CPLX1: variants seen among roughly 807,000 people sequenced by gnomAD.
CPLX1 encodes complexin-1.
Under a neutral mutation model 15.6 loss-of-function variants are expected in CPLX1, and 6 were observed. The observed-to-expected ratio is 0.39, with a 90% CI of 0.21 to 0.76. The LOEUF (loss-of-function observed/expected upper bound fraction) is 0.76, where lower values mean the gene tolerates loss of function less well. Among genes scored for constraint, CPLX1 ranks in the 30% least tolerant of loss-of-function variants. The probability of loss-of-function intolerance (pLI) is 0.43; values close to 1 mark genes in which losing one functional copy is unlikely to be tolerated. For synonymous variants in CPLX1, 91 were observed against 75.2 expected (o/e 1.21, Z -1.08); for missense variants, 242 against 188.6 (o/e 1.28, Z -1.66).
At chr4:810,555 T>C (rs1207785377) in intron 2 of CPLX1, among the ~76,000 whole-genome samples, 8 of 152,216 alleles carry the variant, frequency 5.3e-5, no homozygotes, top group African/African-American at 1.9e-4. Context: ...CCCTAGTGGG[T>C]GTGGCAGCAT....
At chr4:822,220 CTCTCTCTG>C (rs1208695961) in intron 2 of CPLX1, among the ~76,000 whole-genome samples, 1 of 151,142 alleles carries the variant, frequency 6.6e-6, no homozygotes, top group Admixed American at 6.6e-5. Context: ...ATCTCTCTAA[CTCTCTCTG>C]TCTCTCTCTC....
chr4:804,727 C>G (rs1262263168), intron 2 of CPLX1: 1 of 985,142 alleles, frequency 1.0e-6, no homozygotes. Flanking sequence ...GAGACTCAAC[C>G]CAAGTGTCAC....
At chr4:800,486 A>G (rs1458549050) in intron 2 of CPLX1, among the ~76,000 whole-genome samples, 2 of 149,122 alleles carry the variant, frequency 1.3e-5, no homozygotes, top group Non-Finnish European at 3.0e-5. Flanking sequence ...AAATATATAT[A>G]TATATACACA....
Position 824,599 on chromosome 4 carries a change from T to C in CPLX1, c.-77A>G, listed in dbSNP as rs747277687. On this transcript the variant is annotated splice_region_variant and 5_prime_UTR_variant, in exon 2 of 4. Coordinates refer to ENST00000304062, the MANE Select transcript of CPLX1 (RefSeq NM_006651.4). ...CAAGTATGGCCGGGAGCGAGTGTTC[T>C]TCCTGGGGGAGAGTGAAGTGGTCAC... The C allele has an allele frequency of 2.0e-6, 3 of 1,516,398 alleles. No individual in the cohort carries two copies. Among genetic ancestry groups the C allele is most frequent in the Non-Finnish European group, 2.7e-6 (3 of 1,092,552 alleles). The allele number at this position is 1,516,398 out of a possible 1,614,324, so 93.9% of individuals were successfully genotyped here. A position where few individuals can be genotyped will look rare whatever the true frequency, so the allele number is the denominator to read the frequency against.
intron 1 of CPLX1, 197 bp from the exon 2 acceptor site, chr4:824,798 CCCCAGCT>C: frequency 1.5e-6 from 1 of 660,022 alleles, no homozygotes; most frequent in Non-Finnish European, 2.8e-6. Flanking sequence ...AAAATGGTCT[CCCCAGCT>C]CCTGGGGTGT....
intron 2 of CPLX1, among the ~76,000 whole-genome samples, chr4:817,562 GA>G (rs955263852): frequency 0.016 from 2,384 of 145,930 alleles, 56 homozygotes; most frequent in African/African-American, 0.057. Flanking sequence ...GTCTCAAAAA[GA>G]AAAAAAAAAT....
chr4:786,535 A>C lies in CPLX1; in HGVS notation c.371T>G (p.Leu124Arg), dbSNP rs1352778797. ...GAGCATGTCCTGCAGCGGCCCGGGC[A>C]GGTACTTGATGACGGTGTCCAGGAT... ...ESILDTVIKY[L>R]PGPLQDMLKK Residue 124 changes from leucine (L) to arginine (R), a missense_variant, in exon 4 of 4, where the codon CTG becomes CGG. Transcript: ENST00000304062. 5.0e-6 allele frequency: 8 copies of C among 1,604,600 alleles called. No individual in the cohort carries two copies. Among genetic ancestry groups the C allele is most frequent in the Non-Finnish European group, 6.8e-6 (8 of 1,175,740 alleles).
intron 2 of CPLX1, among the ~76,000 whole-genome samples, chr4:812,433 T>C (rs966361569): frequency 2.0e-5 from 3 of 152,116 alleles, no homozygotes; most frequent in Admixed American, 2.0e-4. Flanking sequence ...TGGATCTTGA[T>C]TTTTTATCCA....
Position 785,439 on chromosome 4 carries a change from G to T in CPLX1, c.*1062C>A. 1 of 152,748 alleles carries T rather than the reference G, an allele frequency of 6.5e-6. No individual in the cohort carries two copies. 9.5% of individuals were successfully genotyped at this position (152,748 alleles called of 1,614,324 possible). On this transcript the variant is annotated 3_prime_UTR_variant, in exon 4 of 4. Coordinates refer to ENST00000304062, the MANE Select transcript of CPLX1 (RefSeq NM_006651.4). ...ATGCATTTTTGATGTGGACGAAAGG[G>T]CCCGGGGGCGAGGCGGCGCCTGTCA...
intron 3 of CPLX1, among the ~76,000 whole-genome samples, chr4:791,718 GC>G (rs1250073833): frequency 6.6e-6 from 1 of 152,180 alleles, no homozygotes; most frequent in Non-Finnish European, 1.5e-5. Flanking sequence ...GCCTGCTGCG[GC>G]CCCTACCCTC....
chr4:806,926 AG>A (rs1267567470), intron 2 of CPLX1, among the ~76,000 whole-genome samples: 2 of 152,240 alleles, frequency 1.3e-5, no homozygotes, highest in Non-Finnish European at 2.9e-5. Context: ...GCGATTCCTC[AG>A]AGACCTAGAA....
intron 2 of CPLX1, among the ~76,000 whole-genome samples, chr4:794,206 C>G (rs950863414): frequency 1.3e-5 from 2 of 152,248 alleles, no homozygotes; most frequent in Non-Finnish European, 2.9e-5. Context: ...GTGCTCTGGG[C>G]TGAAGGTGTC....
chr4:793,797 G>A (rs1049160741), intron 2 of CPLX1, among the ~76,000 whole-genome samples: 2 of 152,222 alleles, frequency 1.3e-5, no homozygotes, highest in African/African-American at 2.4e-5. Flanking sequence ...CTCCTTGAAG[G>A]TCTTGCCTCT....
At chr4:825,156 G>A (rs1203378499) in intron 1 of CPLX1, among the ~76,000 whole-genome samples, 1 of 152,058 alleles carries the variant, frequency 6.6e-6, no homozygotes, top group Non-Finnish European at 1.5e-5. Context: ...ACTTCAGGGG[G>A]CTCAGCCTTC....
intron 2 of CPLX1, among the ~76,000 whole-genome samples, chr4:795,510 A>G (rs963265082): frequency 2.6e-5 from 4 of 152,140 alleles, no homozygotes; most frequent in Non-Finnish European, 5.9e-5. Flanking sequence ...CCCGACTCTG[A>G]TTGCAGGGGG....
At chr4:811,073 C>T (rs1258834861) in intron 2 of CPLX1, among the ~76,000 whole-genome samples, 2 of 152,144 alleles carry the variant, frequency 1.3e-5, no homozygotes, top group African/African-American at 2.4e-5. Context: ...GATCATGGCT[C>T]ACTGCAGCCT....
rs564664127 is a variant in CPLX1, at chr4:785,457, G to C, written c.*1044C>G. 19 of 152,614 alleles carry C rather than the reference G, an allele frequency of 1.2e-4. No homozygotes were observed. The highest frequency in any genetic ancestry group is 3.9e-4 in the African/African-American group (16 of 41,460). 9.5% of individuals were successfully genotyped at this position (152,614 alleles called of 1,614,324 possible). A position where few individuals can be genotyped will look rare whatever the true frequency, so the allele number is the denominator to read the frequency against. On this transcript the variant is annotated 3_prime_UTR_variant, in exon 4 of 4. Transcript: ENST00000304062. ...CGAAAGGGCCCGGGGGCGAGGCGGC[G>C]CCTGTCAAGATAAAACTCATTAAAT... is the stretch of plus-strand genomic sequence containing the variant.
intron 2 of CPLX1, among the ~76,000 whole-genome samples, chr4:810,007 G>A (rs1388377974): frequency 3.3e-5 from 5 of 151,276 alleles, no homozygotes; most frequent in South Asian, 2.1e-4. Flanking sequence ...TGTGTGAACC[G>A]TGGGTTGTTC....
chr4:789,972 G>A (rs1746120330), intron 3 of CPLX1, among the ~76,000 whole-genome samples: 1 of 80,830 alleles, frequency 1.2e-5, no homozygotes, highest in Non-Finnish European at 2.4e-5. Flanking sequence ...CCAACAGGTG[G>A]CCACGCCTGA....
Sources: gnomAD v4.1 joint callset for allele counts (sites outside exome capture counted in the v4.1 genomes callset) on GRCh38, gnomAD v4.1.1 for gene constraint, MANE v1.5 for transcripts, NCBI Gene and HGNC (gene_info 2026-07-23, HGNC 2026-07-21) for gene names.